ZNF438: variants seen among roughly 807,000 people sequenced by gnomAD.
ZNF438 encodes zinc finger protein 438.
In ZNF438, 25 loss-of-function variants were observed where a neutral mutation model predicts 38.0. The observed-to-expected ratio is 0.66, with a 90% CI of 0.48 to 0.92. ZNF438 has a LOEUF of 0.92. Ranked by LOEUF, ZNF438 falls within the 40% of genes least tolerant of loss-of-function variation. ZNF438 has a pLI of 0.00. For synonymous variants in ZNF438, 372 were observed against 364.1 expected (o/e 1.02, Z -0.25); for missense variants, 1,007 against 999.6 (o/e 1.01, Z -0.10).
At chr10:30,890,036 T>C (rs974048081) in intron 3 of ZNF438, among the ~76,000 whole-genome samples, 6 of 147,592 alleles carry the variant, frequency 4.1e-5, no homozygotes, top group Non-Finnish European at 5.9e-5. Flanking sequence ...TTAATAAAGT[T>C]CTCCAGAATT....
At chr10:30,983,299 G>C (rs1182792778) in intron 1 of ZNF438, among the ~76,000 whole-genome samples, 1 of 152,230 alleles carries the variant, frequency 6.6e-6, no homozygotes, top group Non-Finnish European at 1.5e-5. Flanking sequence ...ATAAAGAAAA[G>C]AGGTTTAGTT....
intron 1 of ZNF438, among the ~76,000 whole-genome samples, chr10:30,973,506 T>C (rs955042487): frequency 2.6e-5 from 4 of 152,230 alleles, no homozygotes; most frequent in Non-Finnish European, 1.5e-5. Context: ...GCCTATCACA[T>C]ATATTTTTAA....
At chr10:30,938,935 C>T (rs2046536441) in intron 2 of ZNF438, among the ~76,000 whole-genome samples, 1 of 152,132 alleles carries the variant, frequency 6.6e-6, no homozygotes, top group Non-Finnish European at 1.5e-5. Context: ...GCTGGGACTA[C>T]AGGCATGCAC....
intron 3 of ZNF438, among the ~76,000 whole-genome samples, chr10:30,895,222 T>C (rs1013053674): frequency 6.6e-6 from 1 of 152,222 alleles, no homozygotes; most frequent in African/African-American, 2.4e-5. Context: ...CCACAATCTA[T>C]TTCTAGATCC....
chr10:30,971,448 G>A (rs2050731744), intron 1 of ZNF438, among the ~76,000 whole-genome samples: 3 of 152,156 alleles, frequency 2.0e-5, no homozygotes, highest in African/African-American at 7.2e-5. Flanking sequence ...AGACAATTTG[G>A]AAGAATAAAT....
intron 3 of ZNF438, among the ~76,000 whole-genome samples, chr10:30,896,061 G>A (rs2041289247): frequency 6.6e-6 from 1 of 152,070 alleles, no homozygotes; most frequent in Non-Finnish European, 1.5e-5. Flanking sequence ...CAGTACTTTG[G>A]GAGGCCGAGA....
chr10:30,940,504 C>T (rs992025294), intron 2 of ZNF438, among the ~76,000 whole-genome samples: 1 of 152,064 alleles, frequency 6.6e-6, no homozygotes, highest in African/African-American at 2.4e-5. Flanking sequence ...AAAACCAGTA[C>T]AAGTTAAGAC....
At chr10:30,894,098 T>C (rs769032237) in intron 3 of ZNF438, among the ~76,000 whole-genome samples, 4 of 152,206 alleles carry the variant, frequency 2.6e-5, no homozygotes, top group Non-Finnish European at 5.9e-5. Flanking sequence ...AACTGGAACA[T>C]TTAATGTATT....
intron 3 of ZNF438, among the ~76,000 whole-genome samples, chr10:30,902,065 G>T (rs373113335): frequency 1.3e-5 from 2 of 152,126 alleles, no homozygotes; most frequent in Non-Finnish European, 2.9e-5. Context: ...CCCAAAGAGT[G>T]GGCAGCAGCA....
chr10:30,954,936 G>C (rs146648487), intron 1 of ZNF438, among the ~76,000 whole-genome samples: 148 of 152,252 alleles, frequency 9.7e-4, no homozygotes, highest in African/African-American at 3.4e-3. Context: ...GCAAAACCTC[G>C]AGCCAGGGAG....
chr10:30,987,412 TTATC>T (rs1224893915), intron 1 of ZNF438, among the ~76,000 whole-genome samples: 1 of 152,172 alleles, frequency 6.6e-6, no homozygotes, highest in African/African-American at 2.4e-5. Context: ...TTTCTTTTTG[TTATC>T]TATCTTAGAA....
At chr10:31,025,234 C>A (rs2056865191) in intron 1 of ZNF438, among the ~76,000 whole-genome samples, 1 of 152,208 alleles carries the variant, frequency 6.6e-6, no homozygotes, top group Non-Finnish European at 1.5e-5. Context: ...TACAGAATTT[C>A]TCAACATCAG....
intron 1 of ZNF438, among the ~76,000 whole-genome samples, chr10:31,017,531 T>G (rs978857227): frequency 6.6e-6 from 1 of 152,224 alleles, no homozygotes; most frequent in Non-Finnish European, 1.5e-5. Flanking sequence ...TTTGCCTCAG[T>G]CAGTTCCACA....
intron 5 of ZNF438, among the ~76,000 whole-genome samples, 155 bp downstream of exon 6, chr10:30,848,376 C>A (rs185865522): frequency 3.3e-5 from 5 of 152,288 alleles, no homozygotes; most frequent in African/African-American, 9.6e-5. Flanking sequence ...GAAACAAGAT[C>A]ATTCTTCACA....
chr10:30,909,250 C>G lies in ZNF438; in HGVS notation c.-114-235G>C, dbSNP rs562153103. Among the ~76,000 whole-genome samples, 6 of 152,194 alleles carry G rather than the reference C, an allele frequency of 3.9e-5. No homozygotes were observed. In the East Asian group the frequency reaches 7.7e-4, roughly 20 times the overall value. Reference sequence around the variant, plus strand: ...CATGAATATGACTTAAATACTATCTCTTGAATTATATGAAGTTACAAAACC... The same window carrying G: ...CATGAATATGACTTAAATACTATCTGTTGAATTATATGAAGTTACAAAACC... On this transcript the variant is annotated intron_variant, in intron 2 of 5. Transcript: ENST00000413025.
chr10:31,017,796 T>G (rs958409234), intron 1 of ZNF438, among the ~76,000 whole-genome samples: 5 of 152,220 alleles, frequency 3.3e-5, no homozygotes, highest in African/African-American at 1.2e-4. Flanking sequence ...GCTTAGCCAT[T>G]TGACTTGCTT....
chr10:30,853,997 A>G (rs990172598), intron 4 of ZNF438, among the ~76,000 whole-genome samples: 2 of 151,756 alleles, frequency 1.3e-5, no homozygotes, highest in Non-Finnish European at 2.9e-5. Flanking sequence ...TACATCTCCA[A>G]TGAATTAATG....
chr10:30,900,704 G>C (rs1259507860), intron 3 of ZNF438, among the ~76,000 whole-genome samples: 1 of 152,152 alleles, frequency 6.6e-6, no homozygotes, highest in African/African-American at 2.4e-5. Context: ...TTGAAGACAC[G>C]TACTGGGTTC....
chr10:30,879,419 C>T (rs2133744969), intron 3 of ZNF438, among the ~76,000 whole-genome samples: 1 of 152,276 alleles, frequency 6.6e-6, no homozygotes, highest in African/African-American at 2.4e-5. Context: ...ACAAAAATAT[C>T]TACCACCCAA....
Sources: allele counts gnomAD v4.1 joint callset (sites outside exome capture counted in the v4.1 genomes callset), GRCh38; gene constraint gnomAD v4.1.1; transcripts MANE v1.5; gene names NCBI Gene and HGNC (gene_info 2026-07-23, HGNC 2026-07-21).